The following DLGAP2 variants were observed in gnomAD, a reference collection of about 807,000 sequenced individuals.
DLGAP2 encodes DLG associated protein 2, also known as disks large-associated protein 2.
Under a neutral mutation model 100.3 loss-of-function variants are expected in DLGAP2, and 26 were observed. That is an observed-to-expected ratio of 0.26 (90% CI 0.19 to 0.36). The LOEUF is 0.36. DLGAP2 is among the 10% of genes least tolerant of loss of function. The pLI, the probability that DLGAP2 is intolerant of heterozygous loss-of-function variation, is 1.00. For synonymous variants in DLGAP2, 886 were observed against 630.1 expected (o/e 1.41, Z -6.08); for missense variants, 1,858 against 1,453.2 (o/e 1.28, Z -4.53).
At chr8:1,181,614 A>G (rs1008498418) in intron 2 of DLGAP2, among the ~76,000 whole-genome samples, 61 of 152,098 alleles carry the variant, frequency 4.0e-4, no homozygotes, top group Admixed American at 4.6e-4. Context: ...GGGTGAAATA[A>G]TCTATACAAT....
At chr8:1,517,710 G>T (rs945481120) in intron 4 of DLGAP2, among the ~76,000 whole-genome samples, 1 of 152,238 alleles carries the variant, frequency 6.6e-6, no homozygotes, top group African/African-American at 2.4e-5. Flanking sequence ...AGCAGCATTT[G>T]CAAGCCTCTC....
At chr8:1,172,682 C>T (rs1321756044) in intron 2 of DLGAP2, among the ~76,000 whole-genome samples, 1 of 152,176 alleles carries the variant, frequency 6.6e-6, no homozygotes, top group African/African-American at 2.4e-5. Context: ...ACATCGGCTC[C>T]TGGGGCTTCT....
chr8:1,360,714 G>C (rs370606296), intron 3 of DLGAP2, among the ~76,000 whole-genome samples: 2 of 152,254 alleles, frequency 1.3e-5, no homozygotes, highest in African/African-American at 2.4e-5. Context: ...CATGGAGATC[G>C]GTGGCCTCGT....
At chr8:921,830 A>C (rs188916000) in intron 2 of DLGAP2, among the ~76,000 whole-genome samples, 2 of 152,336 alleles carry the variant, frequency 1.3e-5, no homozygotes, top group African/African-American at 4.8e-5. Flanking sequence ...GAGCCGGGCC[A>C]GGGTCCTCAC....
intron 2 of DLGAP2, among the ~76,000 whole-genome samples, chr8:917,094 G>C (rs1239128427): frequency 1.3e-5 from 2 of 152,238 alleles, no homozygotes; most frequent in Non-Finnish European, 2.9e-5. Flanking sequence ...TAAAACACCA[G>C]TGAAGCACAT....
intron 4 of DLGAP2, among the ~76,000 whole-genome samples, chr8:1,512,970 G>A (rs970980075): frequency 6.6e-6 from 1 of 152,254 alleles, no homozygotes; most frequent in South Asian, 2.1e-4. Flanking sequence ...GAGGCCACAG[G>A]CCAGGCCCTG....
In DLGAP2 at chr8:1,497,696, G is replaced by A. The variant is rs145332267; in HGVS notation, c.107-3670G>A. Reference sequence around the variant, plus strand: ...ACCTATGGCCTGTCCAGGCGAACAGGGTTCTTGCCTAGTGAGGGTTCTGAA... The same window carrying A: ...ACCTATGGCCTGTCCAGGCGAACAGAGTTCTTGCCTAGTGAGGGTTCTGAA... On this transcript the variant is annotated intron_variant, in intron 3 of 14. Transcript: ENST00000637795. Among the ~76,000 whole-genome samples the A allele has an allele frequency of 2.4e-3, 365 of 152,336 alleles. 1 individual carries two copies. The highest frequency in any genetic ancestry group is 8.2e-3 in the African/African-American group (340 of 41,580).
At chr8:893,925 T>C (rs1245012492) in intron 1 of DLGAP2, among the ~76,000 whole-genome samples, 1 of 152,184 alleles carries the variant, frequency 6.6e-6, no homozygotes, top group Non-Finnish European at 1.5e-5. Context: ...GTTGAAGCAT[T>C]GGGAGGTTCG....
intron 2 of DLGAP2, among the ~76,000 whole-genome samples, chr8:956,143 A>G (rs927421492): frequency 6.6e-6 from 1 of 152,224 alleles, no homozygotes. Context: ...CTTGAGATAT[A>G]TAATTTGTGT....
At chr8:1,096,634 C>T (rs1033592905) in intron 2 of DLGAP2, among the ~76,000 whole-genome samples, 3 of 151,222 alleles carry the variant, frequency 2.0e-5, no homozygotes, top group Non-Finnish European at 4.4e-5. Flanking sequence ...TGAGACCCAC[C>T]TCCCTGCGCT....
intron 10 of DLGAP2, among the ~76,000 whole-genome samples, chr8:1,670,113 C>G (rs1798653757): frequency 6.6e-6 from 1 of 152,186 alleles, no homozygotes; most frequent in African/African-American, 2.4e-5. Flanking sequence ...TTCCCATTGC[C>G]AGACACTCCC....
chr8:1,465,050 G>C (rs1798585391), intron 3 of DLGAP2, among the ~76,000 whole-genome samples: 1 of 152,238 alleles, frequency 6.6e-6, no homozygotes, highest in Non-Finnish European at 1.5e-5. Context: ...CAGGTGACCA[G>C]CTCTGCAGGG....
In DLGAP2 at chr8:803,524, C is replaced by T. The variant is rs115712159; in HGVS notation, c.18+65699C>T. ...CCCAGGAAAGCTTGGAGATGGCTCC[C>T]AGTAGGAGCTGCCTCTGACGTTACC... On this transcript the variant is annotated intron_variant, in intron 1 of 14. Transcript: ENST00000637795. 5.8e-3 allele frequency among the ~76,000 whole-genome samples: 888 copies of T among 152,156 alleles called. 9 individuals carry two copies. The highest frequency in any genetic ancestry group is 0.02 in the African/African-American group (835 of 41,504).
At chr8:848,087 C>T (rs1303805436) in intron 1 of DLGAP2, among the ~76,000 whole-genome samples, 1 of 152,190 alleles carries the variant, frequency 6.6e-6, no homozygotes, top group Non-Finnish European at 1.5e-5. Context: ...CAGGCACCTG[C>T]CTGCCTGTTC....
intron 1 of DLGAP2, among the ~76,000 whole-genome samples, chr8:802,491 C>T (rs1384321945): frequency 6.6e-6 from 1 of 152,196 alleles, no homozygotes; most frequent in Non-Finnish European, 1.5e-5. Context: ...TGCTGCTTCT[C>T]AACTTGCTGG....
intron 2 of DLGAP2, among the ~76,000 whole-genome samples, chr8:1,018,046 C>G (rs77408976): frequency 0.016 from 2,435 of 151,942 alleles, 77 homozygotes; most frequent in African/African-American, 0.055. Context: ...CCTGCCCCTA[C>G]AGGCCCTCCG....
In DLGAP2 at chr8:1,469,201, C is replaced by T. The variant is rs1246923066; in HGVS notation, c.107-32165C>T. ...GCAGATCCTCCAGTCCTGGGGCTTC[C>T]TCCCCTCGCCCAGCTCCTGCACAGT... is the stretch of plus-strand genomic sequence containing the variant. On this transcript the variant is annotated intron_variant, in intron 3 of 14. Transcript: ENST00000637795. 3.9e-5 allele frequency among the ~76,000 whole-genome samples: 6 copies of T among 152,380 alleles called. No homozygotes were observed. In the East Asian group the frequency reaches 9.7e-4, roughly 25 times the overall value.
chr8:1,058,862 G>C (rs187314015), intron 2 of DLGAP2, among the ~76,000 whole-genome samples: 1 of 152,204 alleles, frequency 6.6e-6, no homozygotes, highest in Non-Finnish European at 1.5e-5. Flanking sequence ...ACACCTGTGC[G>C]TGCTCGTTGC....
At chr8:1,359,464 G>A (rs1801928142) in intron 3 of DLGAP2, among the ~76,000 whole-genome samples, 1 of 152,252 alleles carries the variant, frequency 6.6e-6, no homozygotes, top group African/African-American at 2.4e-5. Flanking sequence ...TGGGCGTGGG[G>A]ACACGGGTGG....
Sources: allele counts gnomAD v4.1 joint callset (sites outside exome capture counted in the v4.1 genomes callset), GRCh38; gene constraint gnomAD v4.1.1; transcripts MANE v1.5; gene names NCBI Gene and HGNC (gene_info 2026-07-23, HGNC 2026-07-21).